The following KIF26B variants were observed in gnomAD, a reference collection of about 807,000 sequenced individuals.
KIF26B encodes the protein kinesin family member 26B.
Under a neutral mutation model 151.2 loss-of-function variants are expected in KIF26B, and 63 were observed. That is an observed-to-expected ratio of 0.42 (90% CI 0.34 to 0.51). The LOEUF (loss-of-function observed/expected upper bound fraction) is 0.51. Among genes scored for constraint, KIF26B ranks in the 20% least tolerant of loss-of-function variants. The pLI, the probability that KIF26B is intolerant of heterozygous loss-of-function variation, is 0.07. For missense variants in KIF26B, 2,813 were observed against 2,913.6 expected (o/e 0.97, Z 0.79); for synonymous variants, 1,357 against 1,262.1 (o/e 1.08, Z -1.59).
At position 245,367,302 on chromosome 1, in the gene KIF26B, C is replaced by A; in HGVS notation, c.934C>A (p.His312Asn). ...NILNSVAIQA[H>N]QYLDGTWSLS... is the part of the protein sequence containing the mutation. ...CCTCAATTCGGTGGCCATCCAGGCT[C>A]ACCAGTACCTGGATGGCACCTGGTC... Residue 312 changes from histidine (H) to asparagine (N), a missense_variant, in exon 3 of 15, where the codon CAC (histidine) becomes AAC (asparagine). His to Asn is a moderately conservative substitution (Grantham distance 68). This residue lies in a region of KIF26B where 676 missense variants were observed against 688.1 expected (regional missense o/e 0.98). Transcript: ENST00000407071. This position sits in a 1 kb window ranked among gnomAD's most constrained non-coding sequence, Gnocchi z 4.2. 6.3e-7 allele frequency: 1 copy of A among 1,596,998 alleles called. No individual in the cohort carries two copies. The highest frequency in any genetic ancestry group is 8.5e-7 in the Non-Finnish European group (1 of 1,171,950).
At chr1:245,293,058 A>G (rs910622339) in intron 2 of KIF26B, among the ~76,000 whole-genome samples, 4 of 152,248 alleles carry the variant, frequency 2.6e-5, no homozygotes, top group Non-Finnish European at 2.9e-5. Context: ...CAAAGATAAT[A>G]TAATAAAATC....
In KIF26B at chr1:245,708,479, C is replaced by A. The variant is rs1490423334; in HGVS notation, c.*5873C>A. On this transcript the variant is annotated 3_prime_UTR_variant, in exon 15 of 15. Transcript: ENST00000407071. ...CATTCCTCTAAGGTGTGTGTACATA[C>A]ACGGATGTGTGTGTACAGGAGGTAC... The A allele has an allele frequency of 2.0e-5, 3 of 152,202 alleles. No homozygotes were observed. The highest frequency in any genetic ancestry group is 4.8e-5 in the African/African-American group (2 of 41,434). 9.4% of individuals were successfully genotyped at this position (152,202 alleles called of 1,614,324 possible).
intron 3 of KIF26B, among the ~76,000 whole-genome samples, chr1:245,403,682 A>G (rs1674064085): frequency 6.6e-6 from 1 of 152,060 alleles, no homozygotes. Context: ...AAAAACCTCT[A>G]CTAAATCTTA....
At chr1:245,418,695 A>G (rs1026248450) in intron 3 of KIF26B, among the ~76,000 whole-genome samples, 2 of 151,984 alleles carry the variant, frequency 1.3e-5, no homozygotes, top group Non-Finnish European at 2.9e-5. Context: ...AAAAACTGAC[A>G]TTTTTCTTTT....
In KIF26B at chr1:245,198,726, C is replaced by CA. The variant is rs543858366; in HGVS notation, c.465+42058dup. 4.3e-3 allele frequency among the ~76,000 whole-genome samples: 424 copies of CA among 97,736 alleles called. 1 individual carries two copies. Among genetic ancestry groups the CA allele is most frequent in the African/African-American group, 7.9e-3 (214 of 27,176 alleles). The allele number at this position is 97,736 out of a possible 152,430, so 64.1% of individuals were successfully genotyped here. On this transcript the variant is annotated intron_variant, in intron 2 of 14. Transcript: ENST00000407071. ...TGGGCAATAGAGAGAGACTCCGTCT[C>CA]AAAAAAAAAAAAAAATTGTGAGTGC...
At position 245,679,445 on chromosome 1, in the gene KIF26B, T is replaced by G. The variant is rs561304784; in HGVS notation, c.2259-4788T>G. Among the ~76,000 whole-genome samples the G allele has an allele frequency of 6.5e-5, 7 of 107,782 alleles. No individual in the cohort carries two copies. In the East Asian group the frequency reaches 1.4e-3, roughly 22 times the overall value. 70.7% of individuals were successfully genotyped at this position (107,782 alleles called of 152,430 possible). ...TAAAAATCTGGGGGTTTTTTGTGTT[T>G]TTTTTGTGTGTGTTTTTTTTTTTTT... On this transcript the variant is annotated intron_variant, in intron 10 of 14. Transcript: ENST00000407071.
chr1:245,264,892 C>CA (rs983808846), intron 2 of KIF26B, among the ~76,000 whole-genome samples: 22 of 139,020 alleles, frequency 1.6e-4, no homozygotes, highest in South Asian at 1.1e-3. Flanking sequence ...GACTCCGTCT[C>CA]AAAAAAAACA....
chr1:245,428,358 G>C (rs1312406708), intron 4 of KIF26B, among the ~76,000 whole-genome samples: 3 of 152,122 alleles, frequency 2.0e-5, no homozygotes, highest in Admixed American at 6.5e-5. Context: ...GGTATATTTA[G>C]TGCCATCCGA....
intron 9 of KIF26B, chr1:245,614,657 C>G (rs745714961): frequency 6.6e-6 from 1 of 152,280 alleles, no homozygotes; most frequent in Non-Finnish European, 1.5e-5. Context: ...TCCTCACTTA[C>G]AGCGGGCGAG....
intron 9 of KIF26B, among the ~76,000 whole-genome samples, chr1:245,635,230 G>C (rs1434919464): frequency 6.6e-6 from 1 of 151,690 alleles, no homozygotes; most frequent in Non-Finnish European, 1.5e-5. Context: ...TCCTTAAATG[G>C]TGGGTAGAAT....
chr1:245,566,581 G>T (rs931395285), intron 5 of KIF26B, among the ~76,000 whole-genome samples: 1 of 152,194 alleles, frequency 6.6e-6, no homozygotes, highest in African/African-American at 2.4e-5. Context: ...ACAGCATTGC[G>T]ATCACTTTTC....
chr1:245,521,465 A>G (rs73135610), intron 4 of KIF26B, among the ~76,000 whole-genome samples: 8,441 of 152,226 alleles, frequency 0.055, 790 homozygotes, highest in African/African-American at 0.19. Flanking sequence ...AAATATTTAG[A>G]TACTTATACA....
intron 4 of KIF26B, among the ~76,000 whole-genome samples, chr1:245,522,239 G>C (rs935598009): frequency 2.6e-5 from 4 of 152,162 alleles, no homozygotes; most frequent in Non-Finnish European, 5.9e-5. Context: ...ATAGCAATCA[G>C]GCTCTGTCAG....
intron 2 of KIF26B, among the ~76,000 whole-genome samples, chr1:245,255,644 A>C (rs1001211782): frequency 9.9e-5 from 15 of 152,246 alleles, no homozygotes; most frequent in African/African-American, 3.6e-4. Flanking sequence ...TCCAGAAGGC[A>C]GTGCTGCCAG....
At chr1:245,589,557 G>A (rs1042554737) in intron 5 of KIF26B, among the ~76,000 whole-genome samples, 1 of 152,136 alleles carries the variant, frequency 6.6e-6, no homozygotes, top group African/African-American at 2.4e-5. Context: ...AGCACAGACC[G>A]TTTTCCTCAA....
At chr1:245,593,378 A>G (rs547287501) in intron 5 of KIF26B, among the ~76,000 whole-genome samples, 28 of 151,760 alleles carry the variant, frequency 1.8e-4, no homozygotes, top group Middle Eastern at 3.4e-3. Flanking sequence ...GTGTCCATGT[A>G]TTCTCATTGT....
chr1:245,231,570 G>A (rs77234709), intron 2 of KIF26B, among the ~76,000 whole-genome samples: 2,523 of 152,196 alleles, frequency 0.017, 61 homozygotes, highest in African/African-American at 0.058. Context: ...AAAAGAAGAT[G>A]TGACTCTACA....
Position 245,253,800 on chromosome 1 carries a change from CTTTTTTTTT to C in KIF26B, c.465+97136_465+97144del, listed in dbSNP as rs5782330. On this transcript the variant is annotated intron_variant, in intron 2 of 14. Coordinates refer to ENST00000407071, the MANE Select transcript of KIF26B (RefSeq NM_018012.4). ...CCTGTCTATAGACTTTGAAGTCCTGCTTTTTTTTTTTTTTTTTTTTTTTTTTTGAAACAG... is the reference window on the plus strand; with the variant it reads ...CCTGTCTATAGACTTTGAAGTCCTGCTTTTTTTTTTTTTTTTTTGAAACAG... Among the ~76,000 whole-genome samples, 5 of 72,170 alleles carry C rather than the reference CTTTTTTTTT, an allele frequency of 6.9e-5. No individual in the cohort carries two copies. The East Asian group carries it at 1.2e-3, about 18-fold the overall frequency. The allele number at this position is 72,170 out of a possible 152,430, so 47.3% of individuals were successfully genotyped here. A position where few individuals can be genotyped will look rare whatever the true frequency, so the allele number is the denominator to read the frequency against.
At chr1:245,195,661 C>T (rs1003565247) in intron 2 of KIF26B, among the ~76,000 whole-genome samples, 12 of 152,296 alleles carry the variant, frequency 7.9e-5, no homozygotes, top group Admixed American at 6.5e-4. Flanking sequence ...CTGAGCATGT[C>T]GAGTGCCCTG....
Sources: gnomAD v4.1 joint callset for allele counts (sites outside exome capture counted in the v4.1 genomes callset) on GRCh38, gnomAD v4.1.1 for gene constraint, gnomAD v4.1.1 regional missense constraint, Gnocchi (gnomAD v3.1) non-coding constraint, MANE v1.5 for transcripts, NCBI Gene and HGNC (gene_info 2026-07-23, HGNC 2026-07-21) for gene names.